FAM193A: variants seen among roughly 807,000 people sequenced by gnomAD.
The protein encoded by FAM193A is protein FAM193A.
In FAM193A, 22 loss-of-function variants were observed where a neutral mutation model predicts 126.5. That is an observed-to-expected ratio of 0.17 (90% CI 0.12 to 0.25). FAM193A has a LOEUF of 0.25. Among genes scored for constraint, FAM193A ranks in the 10% least tolerant of loss-of-function variants. FAM193A has a pLI of 1.00. For missense variants in FAM193A, 1,675 were observed against 1,672.8 expected (o/e 1.00, Z -0.02); for synonymous variants, 761 against 646.8 (o/e 1.18, Z -2.68).
At chr4:2,708,531 T>G (rs1718567177) in intron 19 of FAM193A, among the ~76,000 whole-genome samples, 1 of 152,080 alleles carries the variant, frequency 6.6e-6, no homozygotes, top group Non-Finnish European at 1.5e-5. Flanking sequence ...GGCGCGATCT[T>G]GGATCACTGC....
intron 19 of FAM193A, among the ~76,000 whole-genome samples, chr4:2,714,745 C>T (rs1263568026): frequency 6.6e-6 from 1 of 152,116 alleles, no homozygotes; most frequent in Non-Finnish European, 1.5e-5. Context: ...ATGGAAATTC[C>T]CCAGTGGTAG....
intron 19 of FAM193A, among the ~76,000 whole-genome samples, chr4:2,708,419 C>G (rs929769702): frequency 6.6e-6 from 1 of 152,056 alleles, no homozygotes; most frequent in African/African-American, 2.4e-5. Flanking sequence ...GCCACCACGC[C>G]CGGCTGTATG....
intron 13 of FAM193A, among the ~76,000 whole-genome samples, chr4:2,675,295 A>G (rs1281215302): frequency 6.6e-6 from 1 of 152,102 alleles, no homozygotes; most frequent in African/African-American, 2.4e-5. Flanking sequence ...TCAGTCAGCA[A>G]CTATGTTTTG....
At chr4:2,637,143 A>G (rs1577112039) in intron 5 of FAM193A, among the ~76,000 whole-genome samples, 2 of 152,324 alleles carry the variant, frequency 1.3e-5, no homozygotes, top group East Asian at 3.9e-4. Context: ...CCTGGGCAAC[A>G]TGGTGAGATC....
At chr4:2,692,104 T>C (rs1169065643) in intron 15 of FAM193A, among the ~76,000 whole-genome samples, 4 of 152,190 alleles carry the variant, frequency 2.6e-5, no homozygotes, top group African/African-American at 9.7e-5. Flanking sequence ...TGTTAATCAA[T>C]TCTCACACTG....
chr4:2,710,061 T>G (rs1718736094), intron 19 of FAM193A, among the ~76,000 whole-genome samples: 1 of 152,134 alleles, frequency 6.6e-6, no homozygotes, highest in African/African-American at 2.4e-5. Context: ...GTTTGTGTAT[T>G]TTTCCTTTCT....
chr4:2,701,711 C>G (rs896861657), intron 19 of FAM193A, among the ~76,000 whole-genome samples: 2 of 152,052 alleles, frequency 1.3e-5, no homozygotes, highest in Non-Finnish European at 2.9e-5. Flanking sequence ...TGAACATTCA[C>G]CGACTAGTTG....
rs146516940 is a variant in FAM193A, at chr4:2,690,752, C to T, written c.2585C>T (p.Pro862Leu). ...GAAACAAGACCGGAAGCCCTTCCACCTCCATCTAGCAATGAAACACCTGCA... is the reference window on the plus strand; with the variant it reads ...GAAACAAGACCGGAAGCCCTTCCACTTCCATCTAGCAATGAAACACCTGCA... Reference protein sequence around the residue: ...LSETRPEALPPPSSNETPAVS... With the variant: ...LSETRPEALPLPSSNETPAVS... Residue 862 changes from proline (P) to leucine (L), a missense_variant, in exon 15 of 21, where the codon CCT becomes CTT. Coordinates refer to ENST00000637812, the MANE Select transcript of FAM193A (RefSeq NM_001366318.2). 4,729 of 1,613,998 alleles carry T rather than the reference C, an allele frequency of 2.9e-3. 6 individuals are homozygous for T. Among genetic ancestry groups the T allele is most frequent in the Non-Finnish European group, 3.7e-3 (4,383 of 1,179,914 alleles).
chr4:2,576,387 T>C (rs918021179), intron 1 of FAM193A, among the ~76,000 whole-genome samples: 2 of 152,218 alleles, frequency 1.3e-5, no homozygotes, highest in African/African-American at 4.8e-5. Flanking sequence ...TGTGAGCCAC[T>C]GTGCCTGGAA....
At chr4:2,672,977 A>G (rs527798430) in intron 13 of FAM193A, among the ~76,000 whole-genome samples, 1 of 152,210 alleles carries the variant, frequency 6.6e-6, no homozygotes, top group Non-Finnish European at 1.5e-5. Context: ...TGGAGTGAGG[A>G]TGTAGAAATA....
chr4:2,568,973 C>CTTTTTTTTTTTTTTTTTTTTTTTTTCT (rs753557878), intron 1 of FAM193A, among the ~76,000 whole-genome samples: 31 of 90,714 alleles, frequency 3.4e-4, no homozygotes, highest in South Asian at 4.6e-4. Flanking sequence ...TGTTGTTTTG[C>CTTTTTTTTTTTTTTTTTTTTTTTTTCT]TTTTTTTTTT....
chr4:2,724,610 G>A (rs1560621227), intron 20 of FAM193A, among the ~76,000 whole-genome samples: 1 of 152,156 alleles, frequency 6.6e-6, no homozygotes, highest in Non-Finnish European at 1.5e-5. Flanking sequence ...AGCTCTTTGG[G>A]AGGCTGAGGT....
intron 4 of FAM193A, among the ~76,000 whole-genome samples, chr4:2,628,794 ATGTG>A (rs1361002054): frequency 6.6e-6 from 1 of 151,906 alleles, no homozygotes; most frequent in Non-Finnish European, 1.5e-5. Flanking sequence ...CATCTGTTGA[ATGTG>A]TGTGTGAGTT....
intron 13 of FAM193A, among the ~76,000 whole-genome samples, chr4:2,680,165 G>A (rs1714939554): frequency 6.6e-6 from 1 of 151,974 alleles, no homozygotes; most frequent in Admixed American, 6.5e-5. Flanking sequence ...CCAGCCTATT[G>A]GGTGGTTTTT....
chr4:2,606,592 T>G (rs61790222), intron 2 of FAM193A, among the ~76,000 whole-genome samples: 2 of 152,214 alleles, frequency 1.3e-5, no homozygotes, highest in Non-Finnish European at 2.9e-5. Flanking sequence ...TACACTGTTA[T>G]GTGAAAGTCC....
intron 1 of FAM193A, among the ~76,000 whole-genome samples, chr4:2,554,728 G>A (rs1255752589): frequency 6.6e-6 from 1 of 152,000 alleles, no homozygotes; most frequent in Non-Finnish European, 1.5e-5. Context: ...AGTTTATTTA[G>A]CTTTTGCTTC....
At chr4:2,582,387 C>A (rs1265366878) in intron 1 of FAM193A, among the ~76,000 whole-genome samples, 1 of 152,040 alleles carries the variant, frequency 6.6e-6, no homozygotes, top group Non-Finnish European at 1.5e-5. Context: ...GCAATCCTCT[C>A]ACCCCAACAA....
At position 2,700,225 on chromosome 4, in the gene FAM193A, G is replaced by T. The variant is rs190196929; in HGVS notation, c.4053G>T (p.Ala1351=). The change falls in exon 19 of 21, where the codon GCG becomes GCT. Residue 1351 remains alanine, a synonymous_variant. Coordinates refer to ENST00000637812, the MANE Select transcript of FAM193A (RefSeq NM_001366318.2). The part of the protein sequence containing the change: ...RQTSKASSEP[A]RRPTEPPKAT... ...CCAGCAAGGCCAGCAGCGAGCCAGC[G>T]AGGAGGCCCACAGAGCCCCCCAAGG... 1.2e-6 allele frequency: 2 copies of T among 1,613,976 alleles called. No homozygotes were observed. The highest frequency in any genetic ancestry group is 2.2e-5 in the East Asian group (1 of 44,830).
chr4:2,630,253 G>T (rs1465935433), intron 4 of FAM193A, among the ~76,000 whole-genome samples: 1 of 150,452 alleles, frequency 6.6e-6, no homozygotes, highest in Non-Finnish European at 1.5e-5. Context: ...CATGTTGCAT[G>T]TATTTTTTTT....
Sources: gnomAD v4.1 joint callset for allele counts (sites outside exome capture counted in the v4.1 genomes callset) on GRCh38, gnomAD v4.1.1 for gene constraint, MANE v1.5 for transcripts, NCBI Gene and HGNC (gene_info 2026-07-23, HGNC 2026-07-21) for gene names.